ARHGAP24: variants seen among roughly 807,000 people sequenced by gnomAD.
The protein encoded by ARHGAP24 is rho GTPase-activating protein 24.
A neutral mutation model predicts 76.4 loss-of-function variants in ARHGAP24; 50 were observed. The observed-to-expected ratio is 0.65, with a 90% CI of 0.52 to 0.83. The LOEUF is 0.83. Among genes scored for constraint, ARHGAP24 ranks in the 40% least tolerant of loss-of-function variants. ARHGAP24 has a pLI of 0.00. For missense variants in ARHGAP24, 930 were observed against 914.2 expected (o/e 1.02, Z -0.22); for synonymous variants, 345 against 323.3 (o/e 1.07, Z -0.72).
intron 8 of ARHGAP24, chr4:85,990,013 A>G (rs1422800327): frequency 6.6e-6 from 1 of 151,806 alleles, no homozygotes; most frequent in Non-Finnish European, 1.5e-5. Context: ...AACTCTCTTT[A>G]TTCACAGTCA....
chr4:85,490,681 C>A (rs1273107083), intron 1 of ARHGAP24, among the ~76,000 whole-genome samples: 2 of 152,028 alleles, frequency 1.3e-5, no homozygotes, highest in African/African-American at 4.8e-5. Context: ...TTTAATTAGC[C>A]CTAGCTCTTA....
chr4:85,940,727 C>A (rs910866539), intron 4 of ARHGAP24, among the ~76,000 whole-genome samples: 1 of 152,110 alleles, frequency 6.6e-6, no homozygotes, highest in African/African-American at 2.4e-5. Context: ...TCTAATTCTG[C>A]TTTATATACT....
rs114130199 is a variant in ARHGAP24, at chr4:85,948,594, A to C, written c.599+6321A>C. 5.8e-3 allele frequency among the ~76,000 whole-genome samples: 883 copies of C among 152,336 alleles called. 18 individuals are homozygous for C. The highest frequency in any genetic ancestry group is 0.02 in the African/African-American group (838 of 41,574). On this transcript the variant is annotated intron_variant, in intron 5 of 9. Transcript: ENST00000395184. ...AGTTCTTGATAACTATTGGCTGACA[A>C]TAAAATATTGTCCAAAGTTTATGAA... is the stretch of plus-strand genomic sequence containing the variant.
At chr4:85,651,012 C>T (rs770086344) in intron 2 of ARHGAP24, among the ~76,000 whole-genome samples, 11 of 146,926 alleles carry the variant, frequency 7.5e-5, no homozygotes, top group Non-Finnish European at 1.3e-4. Flanking sequence ...CTATGGACAA[C>T]CTGAAGGATA....
chr4:85,568,832 A>G (rs1726955844), intron 1 of ARHGAP24, among the ~76,000 whole-genome samples: 1 of 152,228 alleles, frequency 6.6e-6, no homozygotes, highest in Non-Finnish European at 1.5e-5. Context: ...TTGAAGTTTA[A>G]AAGTAGTTTA....
At position 85,542,938 on chromosome 4, in the gene ARHGAP24, G is replaced by A. The variant is rs536715600; in HGVS notation, c.-20-27584G>A. On this transcript the variant is annotated intron_variant, in intron 1 of 9. Transcript: ENST00000395184. ...AACGGGGTTATTGTGAGGATTATGT[G>A]AGTTATATGTATTAAGCACTTACAA... Among the ~76,000 whole-genome samples, 11 of 152,300 alleles carry A rather than the reference G, an allele frequency of 7.2e-5. No homozygotes were observed. The South Asian group carries it at 1.9e-3, about 26-fold the overall frequency.
chr4:85,721,978 A>G lies in ARHGAP24; in HGVS notation c.268+6A>G, dbSNP rs766678995. The G allele has an allele frequency of 1.9e-6, 3 of 1,609,572 alleles. No homozygotes were observed. The highest frequency in any genetic ancestry group is 4.5e-5 in the East Asian group (2 of 44,740). ...CCTTTTTGAAGTAGTTCCAGGTAAG[A>G]TATTTTCCTAGTCTGATTAAATTAT... On this transcript the variant is annotated splice_donor_region_variant and intron_variant, in intron 3 of 9. Coordinates refer to ENST00000395184, the MANE Select transcript of ARHGAP24 (RefSeq NM_001025616.3).
At chr4:85,506,429 A>C (rs540310521) in intron 1 of ARHGAP24, among the ~76,000 whole-genome samples, 1 of 152,216 alleles carries the variant, frequency 6.6e-6, no homozygotes, top group South Asian at 2.1e-4. Context: ...CACTTTGTTT[A>C]CCTACTCAAG....
intron 2 of ARHGAP24, among the ~76,000 whole-genome samples, chr4:85,598,961 A>G (rs191771600): frequency 6.6e-6 from 1 of 151,864 alleles, no homozygotes; most frequent in Admixed American, 6.6e-5. Context: ...TAATTTTAAT[A>G]TGTTATTTAT....
chr4:85,579,838 T>G (rs1337647498), intron 2 of ARHGAP24, among the ~76,000 whole-genome samples: 1 of 152,214 alleles, frequency 6.6e-6, no homozygotes, highest in South Asian at 2.1e-4. Context: ...TAACACTTTT[T>G]AAAATCCATT....
At chr4:85,847,553 G>A (rs1305083570) in intron 3 of ARHGAP24, among the ~76,000 whole-genome samples, 1 of 152,156 alleles carries the variant, frequency 6.6e-6, no homozygotes, top group Non-Finnish European at 1.5e-5. Flanking sequence ...CTTCTTGAAG[G>A]TGAATTTTCA....
intron 2 of ARHGAP24, among the ~76,000 whole-genome samples, chr4:85,627,264 T>C (rs1720991938): frequency 1.3e-5 from 2 of 152,196 alleles, no homozygotes; most frequent in Admixed American, 1.3e-4. Context: ...GTGAATGTCC[T>C]TTCTTTTTGT....
intron 3 of ARHGAP24, among the ~76,000 whole-genome samples, chr4:85,733,081 TGAGA>T (rs1662778370): frequency 8.8e-5 from 12 of 136,882 alleles, no homozygotes; most frequent in Non-Finnish European, 1.4e-4. Context: ...TTTTTTTTTT[TGAGA>T]TGGAGTTTCG....
chr4:85,712,750 C>G (rs764988459), intron 2 of ARHGAP24, among the ~76,000 whole-genome samples: 48 of 152,162 alleles, frequency 3.2e-4, no homozygotes, highest in Non-Finnish European at 5.6e-4. Context: ...CCCAGATAAT[C>G]CAGGAGAATC....
In ARHGAP24 at chr4:85,700,801, G is replaced by A. The variant is rs1724054352; in HGVS notation, c.181-21084G>A. On this transcript the variant is annotated intron_variant, in intron 2 of 9. Transcript: ENST00000395184. ...TGTAAAGTAGACATGGTGAATGTAA[G>A]ATATCACTAGAGAAAAAAATGGAAA... 2.6e-5 allele frequency among the ~76,000 whole-genome samples: 4 copies of A among 152,264 alleles called. No individual in the cohort carries two copies. The South Asian group carries it at 8.3e-4, about 32-fold the overall frequency.
chr4:85,549,625 G>C (rs1480434730), intron 1 of ARHGAP24, among the ~76,000 whole-genome samples: 1 of 149,874 alleles, frequency 6.7e-6, no homozygotes, highest in African/African-American at 2.5e-5. Flanking sequence ...TTTTATTTCA[G>C]GTTCATGTGT....
In ARHGAP24 at chr4:85,590,196, T is replaced by TGCCTG. The variant is rs1560543840; in HGVS notation, c.180+19475_180+19476insGCCTG. ...TGCCTGCCTGCCTGCCTGCCTGCCT[T>TGCCTG]CCTTCCTTCCTTCCTTCCTTCCTTC... On this transcript the variant is annotated intron_variant, in intron 2 of 9. Coordinates refer to ENST00000395184, the MANE Select transcript of ARHGAP24 (RefSeq NM_001025616.3). Among the ~76,000 whole-genome samples the TGCCTG allele has an allele frequency of 5.9e-3, 63 of 10,612 alleles. 1 individual carries two copies. The highest frequency in any genetic ancestry group is 0.12 in the Middle Eastern group (1 of 8). 7.0% of individuals were successfully genotyped at this position (10,612 alleles called of 152,430 possible).
chr4:85,608,615 T>G (rs560291511), intron 2 of ARHGAP24, among the ~76,000 whole-genome samples: 57 of 130,026 alleles, frequency 4.4e-4, no homozygotes, highest in African/African-American at 1.5e-3. Context: ...TGGAGTACAA[T>G]GGCATGATCT....
intron 3 of ARHGAP24, among the ~76,000 whole-genome samples, chr4:85,894,776 T>C (rs1734048107): frequency 6.6e-6 from 1 of 151,334 alleles, no homozygotes; most frequent in East Asian, 1.9e-4. Context: ...GCCTGGACAA[T>C]GTAGCAAAAG....
Sources: gnomAD v4.1 joint callset for allele counts (sites outside exome capture counted in the v4.1 genomes callset) on GRCh38, gnomAD v4.1.1 for gene constraint, MANE v1.5 for transcripts, NCBI Gene and HGNC (gene_info 2026-07-23, HGNC 2026-07-21) for gene names.